Variants in VCAN observed in about 807,000 individuals in gnomAD.
The protein encoded by VCAN is versican core protein.
In VCAN, 44 loss-of-function variants were observed where a neutral mutation model predicts 245.5. The ratio of observed to expected loss-of-function variants is 0.18; its 90% CI spans 0.14 to 0.23. VCAN has a LOEUF of 0.23. Ranked by LOEUF, VCAN falls within the 10% of genes least tolerant of loss-of-function variation. The probability of loss-of-function intolerance (pLI) is 1.00; values close to 1 mark genes in which losing one functional copy is unlikely to be tolerated. For synonymous variants in VCAN, 1,413 were observed against 1,437.0 expected (o/e 0.98, Z 0.38); for missense variants, 3,793 against 4,057.9 (o/e 0.93, Z 1.77).
intron 7 of VCAN, among the ~76,000 whole-genome samples, chr5:83,533,055 C>T (rs1746580443): frequency 6.6e-6 from 1 of 151,980 alleles, no homozygotes; most frequent in African/African-American, 2.4e-5. Context: ...TATTGTAAAC[C>T]TCAAATACAC....
Position 83,540,547 on chromosome 5 carries a change from C to G in VCAN, c.7544C>G (p.Ser2515Cys), listed in dbSNP as rs781559384. Residue 2515 changes from serine to cysteine, a missense_variant, in exon 8 of 15, where the codon TCC (serine) becomes TGC (cysteine). Ser to Cys is a moderately radical substitution (Grantham distance 112). This residue lies in a region of VCAN where 3,182 missense variants were observed against 3,250.3 expected (regional missense o/e 0.98). Transcript: ENST00000265077. ...TCAAATACAGTGTCATATGAGAGGTCCACAGACGGTAGTTTCCAAGACCGT... is the reference window on the plus strand; with the variant it reads ...TCAAATACAGTGTCATATGAGAGGTGCACAGACGGTAGTTTCCAAGACCGT... ...TLSNTVSYER[S>C]TDGSFQDRFR... The G allele has an allele frequency of 2.5e-6, 4 of 1,613,890 alleles. No individual in the cohort carries two copies. The South Asian group carries it at 3.3e-5, about 13-fold the overall frequency.
rs1257419886 is a variant in VCAN at position 83,581,418 on chromosome 5, GC to G, written c.*985del. ...CATGTATGAATGCTGCAGCTGTGAA[GC>G]ATACATAAATAAATGAAGTAAGCCA... On this transcript the variant is annotated 3_prime_UTR_variant, in exon 15 of 15. Coordinates refer to ENST00000265077, the MANE Select transcript of VCAN (RefSeq NM_004385.5). The G allele has an allele frequency of 6.6e-6, 1 of 151,368 alleles. No homozygotes were observed. The highest frequency in any genetic ancestry group is 1.5e-5 in the Non-Finnish European group (1 of 67,906). 9.4% of individuals were successfully genotyped at this position (151,368 alleles called of 1,614,324 possible). A position where few individuals can be genotyped will look rare whatever the true frequency, so the allele number is the denominator to read the frequency against.
chr5:83,520,074 A>G lies in VCAN; in HGVS notation c.1768A>G (p.Ile590Val). 6.2e-7 allele frequency: 1 copy of G among 1,614,082 alleles called. No individual in the cohort carries two copies. The highest frequency in any genetic ancestry group is 8.5e-7 in the Non-Finnish European group (1 of 1,179,962). Residue 590 changes from isoleucine to valine, a missense_variant, in exon 7 of 15, where the codon ATC (isoleucine) becomes GTC (valine). Physicochemically the swap from Ile to Val is conservative, Grantham distance 29. Transcript: ENST00000265077. The stretch of plus-strand genomic sequence containing the variant: ...GGTGTCAAAGACTTCAGAAGACACC[A>G]TCCACACTCATTTAGAAGACTTGGA... ...ITVSKTSEDTIHTHLEDLESV... is the reference protein window; with the variant it reads ...ITVSKTSEDTVHTHLEDLESV...
In VCAN at chr5:83,520,506, A is replaced by G. The variant is rs1219039939; in HGVS notation, c.2200A>G (p.Ile734Val). 2 of 1,613,962 alleles carry G rather than the reference A, an allele frequency of 1.2e-6. No individual in the cohort carries two copies. The highest frequency in any genetic ancestry group is 1.7e-6 in the Non-Finnish European group (2 of 1,179,994). The change falls in exon 7 of 15, where the codon ATT (isoleucine) becomes GTT (valine). Residue 734 changes from isoleucine (I) to valine (V), a missense_variant. Transcript: ENST00000265077. ...ACTCTCTACATCTCTCTCAGAGCCA[A>G]TTCATGTTACAGAGTCTTCTGTGGA... ...MKLSTSLSEP[I>V]HVTESSVEMT...
At chr5:83,563,956 G>A (rs1747975564) in intron 12 of VCAN, among the ~76,000 whole-genome samples, 1 of 152,124 alleles carries the variant, frequency 6.6e-6, no homozygotes, top group African/African-American at 2.4e-5. Flanking sequence ...CACCATTGAT[G>A]TAAATCATCG....
chr5:83,537,453 G>A lies in VCAN; in HGVS notation c.4450G>A (p.Glu1484Lys). 1 of 1,613,988 alleles carries A rather than the reference G, an allele frequency of 6.2e-7. No individual in the cohort carries two copies. Among genetic ancestry groups the A allele is most frequent in the African/African-American group, 1.3e-5 (1 of 75,050 alleles). ...GTCTCTTGAAGTTACATGGAAGCCT[G>A]AGACTTACCCTGAAACATCAGAACA... ...TESLEVTWKP[E>K]TYPETSEHFS... Residue 1484 changes from glutamate (E) to lysine (K), a missense_variant, in exon 8 of 15, where the codon GAG becomes AAG. Physicochemically the swap from Glu to Lys is moderately conservative, Grantham distance 56. Around this residue, in one of 5 missense-constraint regions of VCAN, gnomAD observed 3,182 missense variants for 3,250.3 expected, o/e 0.98. Coordinates refer to ENST00000265077, the MANE Select transcript of VCAN (RefSeq NM_004385.5).
At chr5:83,495,369 AGTATC>A (rs1422720710) in intron 5 of VCAN, among the ~76,000 whole-genome samples, 1 of 152,238 alleles carries the variant, frequency 6.6e-6, no homozygotes, top group Non-Finnish European at 1.5e-5. Context: ...GTGGTTCTCT[AGTATC>A]TTAGCATTCT....
In VCAN at chr5:83,521,338, G is replaced by T. The variant is rs765958123; in HGVS notation, c.3032G>T (p.Arg1011Leu). The change falls in exon 7 of 15, where the codon CGC becomes CTC. Residue 1011 changes from arginine (R) to leucine (L), a missense_variant. Coordinates refer to ENST00000265077, the MANE Select transcript of VCAN (RefSeq NM_004385.5). Reference sequence around the variant, plus strand: ...GACATACTTGTCATTGATCAGACTCGCCTTGAAGCGACTATTTCTCCAGAA... The same window carrying T: ...GACATACTTGTCATTGATCAGACTCTCCTTGAAGCGACTATTTCTCCAGAA... ...SQDILVIDQT[R>L]LEATISPETM... is the part of the protein sequence containing the mutation. The T allele has an allele frequency of 6.2e-7, 1 of 1,613,926 alleles. No homozygotes were observed. The highest frequency in any genetic ancestry group is 1.3e-5 in the African/African-American group (1 of 74,904).
In VCAN at chr5:83,539,718, G is replaced by C. The variant is rs146860225; in HGVS notation, c.6715G>C (p.Gly2239Arg). ...KEESTKHFPK[G>R]MRPTIQESDT... ...AGAAAGTACAAAACATTTTCCGAAA[G>C]GCATGAGACCAACAATTCAAGAGTC... Residue 2239 changes from glycine (G) to arginine (R), a missense_variant, in exon 8 of 15, where the codon GGC becomes CGC. Gly to Arg is a moderately radical substitution (Grantham distance 125). Transcript: ENST00000265077. 1.2e-6 allele frequency: 2 copies of C among 1,613,676 alleles called. No homozygotes were observed. Among genetic ancestry groups the C allele is most frequent in the African/African-American group, 2.7e-5 (2 of 75,020 alleles).
intron 12 of VCAN, 49 bp from the exon 13 acceptor site, chr5:83,572,367 C>CTA: frequency 1.9e-6 from 3 of 1,608,732 alleles, no homozygotes; most frequent in Non-Finnish European, 2.6e-6. Context: ...GTTGCTCTTA[C>CTA]GTTACTTTTT....
intron 7 of VCAN, among the ~76,000 whole-genome samples, chr5:83,528,312 A>G (rs774546049): frequency 2.0e-5 from 3 of 152,168 alleles, no homozygotes; most frequent in Non-Finnish European, 4.4e-5. Context: ...TTACAATCCA[A>G]TTATGAGAGG....
At position 83,554,124 on chromosome 5, in the gene VCAN, G is replaced by A. The variant is rs548918293; in HGVS notation, c.9652+602G>A. 5.3e-5 allele frequency among the ~76,000 whole-genome samples: 8 copies of A among 152,312 alleles called. No homozygotes were observed. The South Asian group carries it at 1.7e-3, about 32-fold the overall frequency. On this transcript the variant is annotated intron_variant, in intron 11 of 14. Transcript: ENST00000265077. Reference sequence around the variant, plus strand: ...TAACTCCTTCAACTGCAGCAAAAAGGAGGGCAACTAGTTTTCATGTAGCAA... The same window carrying A: ...TAACTCCTTCAACTGCAGCAAAAAGAAGGGCAACTAGTTTTCATGTAGCAA...
At position 83,541,438 on chromosome 5, in the gene VCAN, T is replaced by C; in HGVS notation, c.8435T>C (p.Leu2812Ser). ...SNPPYYTDTT[L>S]AVSTFAKLSS... ...CCCCCATATTACACTGATACAACAT[T>C]AGCAGTTTCAACATTTGCGAAGTTG... is the stretch of plus-strand genomic sequence containing the variant. The change falls in exon 8 of 15, where the codon TTA becomes TCA. Residue 2812 changes from leucine (L) to serine (S), a missense_variant. Physicochemically the swap from Leu to Ser is moderately radical, Grantham distance 145 (BLOSUM62 -2). This residue lies in a region of VCAN where 3,182 missense variants were observed against 3,250.3 expected (regional missense o/e 0.98). Coordinates refer to ENST00000265077, the MANE Select transcript of VCAN (RefSeq NM_004385.5). 1.2e-6 allele frequency: 2 copies of C among 1,614,076 alleles called. No homozygotes were observed. Among genetic ancestry groups the C allele is most frequent in the Non-Finnish European group, 1.7e-6 (2 of 1,179,996 alleles).
At position 83,521,385 on chromosome 5, in the gene VCAN, A is replaced by G. The variant is rs367806460; in HGVS notation, c.3079A>G (p.Thr1027Ala). ...AGAAACTATGAGAACAACAAAAATC[A>G]CAGAGGGAACAACTCAGGAAGAATT... is the stretch of plus-strand genomic sequence containing the variant. ...SPETMRTTKI[T>A]EGTTQEEFPW... Residue 1027 changes from threonine to alanine, a missense_variant, in exon 7 of 15, where the codon ACA becomes GCA. Thr to Ala is a moderately conservative substitution (Grantham distance 58, BLOSUM62 0). Coordinates refer to ENST00000265077, the MANE Select transcript of VCAN (RefSeq NM_004385.5). 53 of 1,614,022 alleles carry G rather than the reference A, an allele frequency of 3.3e-5. No individual in the cohort carries two copies. The highest frequency in any genetic ancestry group is 4.3e-5 in the Non-Finnish European group (51 of 1,180,010).
intron 1 of VCAN, among the ~76,000 whole-genome samples, chr5:83,482,520 G>T (rs1744647386): frequency 6.6e-6 from 1 of 152,222 alleles, no homozygotes; most frequent in Non-Finnish European, 1.5e-5. Context: ...AACCAGAGTT[G>T]TGTTAGAAAG....
At chr5:83,503,250 A>G (rs927046087) in intron 5 of VCAN, among the ~76,000 whole-genome samples, 16 of 152,182 alleles carry the variant, frequency 1.1e-4, no homozygotes, top group Admixed American at 7.2e-4. Context: ...GAAAAGAAAA[A>G]GAAAGTGTTG....
intron 2 of VCAN, among the ~76,000 whole-genome samples, chr5:83,486,208 T>C (rs1048121818): frequency 5.3e-5 from 8 of 152,196 alleles, no homozygotes; most frequent in African/African-American, 1.9e-4. Context: ...GCAGATATAA[T>C]AACATCTTCC....
intron 5 of VCAN, among the ~76,000 whole-genome samples, chr5:83,503,928 T>G (rs935635050): frequency 6.6e-6 from 1 of 152,258 alleles, no homozygotes; most frequent in African/African-American, 2.4e-5. Context: ...TTTGGGTCAT[T>G]TTTAATGTTT....
At chr5:83,534,973 T>A (rs1384440942) in intron 7 of VCAN, among the ~76,000 whole-genome samples, 1 of 152,044 alleles carries the variant, frequency 6.6e-6, no homozygotes, top group Non-Finnish European at 1.5e-5. Context: ...ATATATAAGA[T>A]CCGAGTAACA....
Sources: gnomAD v4.1 joint callset for allele counts (sites outside exome capture counted in the v4.1 genomes callset) on GRCh38, gnomAD v4.1.1 for gene constraint, gnomAD v4.1.1 regional missense constraint, MANE v1.5 for transcripts, NCBI Gene and HGNC (gene_info 2026-07-23, HGNC 2026-07-21) for gene names.